Variants in SART3 observed in about 807,000 individuals in gnomAD.
SART3 encodes the protein spliceosome associated factor 3, U4/U6 recycling protein.
SART3 carries 44 observed loss-of-function variants against 122.3 expected under a neutral mutation model. The ratio of observed to expected loss-of-function variants is 0.36; its 90% CI spans 0.28 to 0.46. The LOEUF is 0.46. Among genes scored for constraint, SART3 ranks in the 20% least tolerant of loss-of-function variants. The probability of loss-of-function intolerance (pLI) is 1.00; values close to 1 mark genes in which losing one functional copy is unlikely to be tolerated. For missense variants in SART3, 1,101 were observed against 1,229.0 expected, an observed-to-expected ratio of 0.90 and a Z score of 1.56; for synonymous variants, 442 against 454.0, an observed-to-expected ratio of 0.97 and a Z score of 0.34.
At chr12:108,550,358 A>G (rs2029956131) in intron 1 of SART3, among the ~76,000 whole-genome samples, 1 of 152,184 alleles carries the variant, frequency 6.6e-6, no homozygotes, top group African/African-American at 2.4e-5. Flanking sequence ...TTTCTAAATC[A>G]TATGTAATGG....
At chr12:108,548,792 A>T (rs1873548631) in intron 2 of SART3, among the ~76,000 whole-genome samples, 1 of 152,270 alleles carries the variant, frequency 6.6e-6, no homozygotes, top group African/African-American at 2.4e-5. Flanking sequence ...TGGTTTAAAT[A>T]CATAAATAGT....
rs1873263949 is a variant in SART3, at chr12:108,543,550, G to A, written c.782-398C>T. Among the ~76,000 whole-genome samples the A allele has an allele frequency of 4.6e-5, 7 of 152,308 alleles. 1 individual carries two copies. The South Asian group carries it at 1.5e-3, about 32-fold the overall frequency. ...TTGCTCGTCTACAGTTAATGGTAGAGCAAGGCTGTGAACCCAAGCAGTCTG... is the reference window on the plus strand; with the variant it reads ...TTGCTCGTCTACAGTTAATGGTAGAACAAGGCTGTGAACCCAAGCAGTCTG... On this transcript the variant is annotated intron_variant, in intron 5 of 18. Transcript: ENST00000546815.
At chr12:108,527,759 C>CT (rs945935081) in intron 15 of SART3, among the ~76,000 whole-genome samples, 11 of 151,980 alleles carry the variant, frequency 7.2e-5, no homozygotes, top group African/African-American at 1.9e-4. Flanking sequence ...AGAGACAATT[C>CT]TTTTTTTTGT....
intron 16 of SART3, 70 bp from the exon 17 acceptor site, chr12:108,525,679 C>T: frequency 2.6e-6 from 4 of 1,516,404 alleles, no homozygotes; most frequent in Non-Finnish European, 3.7e-6. Flanking sequence ...ACTCCTCTGA[C>T]ACCAGCCTTG....
intron 9 of SART3, 110 bp from the exon 10 acceptor site, chr12:108,536,895 G>A (rs1174909029): frequency 3.2e-6 from 3 of 944,352 alleles, no homozygotes; most frequent in African/African-American, 3.2e-5. Context: ...CTGGCATCAT[G>A]CAAGGGACAC....
At chr12:108,542,666 C>A (rs1873222052) in intron 6 of SART3, 1 of 343,850 alleles carries the variant, frequency 2.9e-6, no homozygotes, top group East Asian at 7.4e-5. Context: ...AGTTCAAAAG[C>A]AAGCAAAATT....
intron 3 of SART3, 54 bp downstream of exon 3, chr12:108,547,833 A>G (rs1873498599): frequency 5.5e-6 from 7 of 1,284,216 alleles, no homozygotes; most frequent in Non-Finnish European, 6.8e-6. Flanking sequence ...CCTCAACAGC[A>G]GACTGATATA....
At chr12:108,554,149 T>A (rs886234766) in intron 1 of SART3, 2 of 43,014 alleles carry the variant, frequency 4.6e-5, no homozygotes, top group East Asian at 1.4e-3. Flanking sequence ...CCCCCTCCTA[T>A]GCCACTCTTT....
chr12:108,550,597 T>C (rs2029965388), intron 1 of SART3, among the ~76,000 whole-genome samples: 3 of 152,076 alleles, frequency 2.0e-5, no homozygotes, highest in African/African-American at 7.2e-5. Context: ...GCATGGTGGC[T>C]CACACCTGTA....
At chr12:108,544,189 C>T (rs1165306998) in intron 5 of SART3, among the ~76,000 whole-genome samples, 2 of 152,350 alleles carry the variant, frequency 1.3e-5, no homozygotes, top group East Asian at 3.9e-4. Context: ...AGAGCTCTCA[C>T]CTGGGAGTCA....
intron 1 of SART3, among the ~76,000 whole-genome samples, chr12:108,554,417 G>A (rs528499889): frequency 6.6e-6 from 1 of 152,002 alleles, no homozygotes; most frequent in African/African-American, 2.4e-5. Context: ...ATCAATTTGG[G>A]TCTATCCCAG....
chr12:108,538,353 T>C (rs936807934), intron 7 of SART3, 150 bp from the exon 8 acceptor site: 6 of 925,814 alleles, frequency 6.5e-6, no homozygotes. Context: ...AAAAAATCAC[T>C]AAGGGGAGTG....
At chr12:108,550,636 G>A (rs1416041504) in intron 1 of SART3, among the ~76,000 whole-genome samples, 7 of 152,166 alleles carry the variant, frequency 4.6e-5, no homozygotes, top group Admixed American at 4.6e-4. Context: ...GCCAAAGCGG[G>A]CAGATCATGA....
In SART3 at chr12:108,538,199, C is replaced by T. The variant is rs796086845; in HGVS notation, c.1067G>A (p.Arg356Gln). ...AACCAAATCCTTTACTTTCAGTTGT[C>T]GATCCTATGATAAAGAATTCCAGAG... is the stretch of plus-strand genomic sequence containing the variant. ...LWIRYSQYLD[R>Q]QLKVKDLVLS... Residue 356 changes from arginine to glutamine, a missense_variant, in exon 8 of 19, where the codon CGA becomes CAA. Physicochemically the swap from Arg to Gln is conservative, Grantham distance 43. This residue lies in a region of SART3 where 885 missense variants were observed against 1,080.1 expected (regional missense o/e 0.82). Transcript: ENST00000546815. 4 of 1,613,984 alleles carry T rather than the reference C, an allele frequency of 2.5e-6. No homozygotes were observed. Among genetic ancestry groups the T allele is most frequent in the South Asian group, 1.1e-5 (1 of 91,064 alleles).
chr12:108,557,489 G>A (rs555550013), intron 1 of SART3, among the ~76,000 whole-genome samples: 89 of 152,282 alleles, frequency 5.8e-4, no homozygotes, highest in African/African-American at 1.9e-3. Flanking sequence ...AGGACTGATG[G>A]AAAGAAAACA....
chr12:108,544,762 A>G (rs1431349293), intron 4 of SART3: 2 of 590,062 alleles, frequency 3.4e-6, no homozygotes, highest in Non-Finnish European at 6.0e-6. Context: ...ATGGGGACTC[A>G]CTACATTGCC....
chr12:108,531,766 T>C, intron 13 of SART3: 2 of 276,452 alleles, frequency 7.2e-6, no homozygotes, highest in Non-Finnish European at 7.0e-6. Flanking sequence ...AAAGGACACA[T>C]TGAGCCATTT....
At chr12:108,523,671 A>G in intron 18 of SART3, 37 bp from the exon 19 acceptor site, 1 of 1,574,400 alleles carries the variant, frequency 6.4e-7, no homozygotes. Flanking sequence ...TTTTGAAGCA[A>G]CAATTCGTGG....
At chr12:108,540,724 C>T (rs1045522678) in intron 6 of SART3, among the ~76,000 whole-genome samples, 2 of 147,908 alleles carry the variant, frequency 1.4e-5, no homozygotes, top group East Asian at 3.9e-4. Context: ...AACATTATAA[C>T]TCTCATCATT....
Sources: allele counts gnomAD v4.1 joint callset (sites outside exome capture counted in the v4.1 genomes callset), GRCh38; gene constraint gnomAD v4.1.1; regional missense constraint gnomAD v4.1.1; transcripts MANE v1.5; gene names NCBI Gene and HGNC (gene_info 2026-07-23, HGNC 2026-07-21).